Variants in ATP8B4 observed in about 807,000 individuals in gnomAD.
ATP8B4 encodes the protein probable phospholipid-transporting ATPase IM.
A neutral mutation model predicts 145.6 loss-of-function variants in ATP8B4; 133 were observed. That is an observed-to-expected ratio of 0.91 (90% confidence interval 0.79 to 1.05). The LOEUF (loss-of-function observed/expected upper bound fraction) is 1.05. ATP8B4 is among the 50% of genes least tolerant of loss of function. The pLI is 0.00. For missense variants in ATP8B4, 1,458 were observed against 1,425.2 expected (o/e 1.02, Z -0.37); for synonymous variants, 507 against 492.9 (o/e 1.03, Z -0.38).
intron 2 of ATP8B4, among the ~76,000 whole-genome samples, chr15:50,104,866 T>TACACAC (rs142425113): frequency 0.032 from 3,739 of 116,346 alleles, 155 homozygotes; most frequent in African/African-American, 0.13. Context: ...AAATGTTGCA[T>TACACAC]ACACACACAC....
chr15:49,910,136 A>G (rs1421642880), intron 20 of ATP8B4, among the ~76,000 whole-genome samples: 2 of 152,190 alleles, frequency 1.3e-5, no homozygotes, highest in Non-Finnish European at 2.9e-5. Context: ...GAAATTTACC[A>G]AAGAGGTAGA....
intron 2 of ATP8B4, among the ~76,000 whole-genome samples, chr15:50,080,999 G>C (rs1375352765): frequency 1.3e-5 from 2 of 151,988 alleles, no homozygotes; most frequent in African/African-American, 4.8e-5. Flanking sequence ...TCTAGTCCCA[G>C]CTACTATGGA....
intron 3 of ATP8B4, among the ~76,000 whole-genome samples, chr15:50,071,386 G>GT (rs2053725074): frequency 6.6e-6 from 1 of 152,036 alleles, no homozygotes; most frequent in Admixed American, 6.5e-5. Flanking sequence ...TGAAAAGAGC[G>GT]TATCACTTTA....
chr15:49,996,250 G>A (rs953308324), intron 9 of ATP8B4, among the ~76,000 whole-genome samples: 3 of 152,066 alleles, frequency 2.0e-5, no homozygotes, highest in African/African-American at 7.2e-5. Flanking sequence ...TGAAATACAT[G>A]AGGCAGGATG....
At chr15:49,939,185 C>CA (rs138763269) in intron 14 of ATP8B4, among the ~76,000 whole-genome samples, 20,552 of 151,268 alleles carry the variant, frequency 0.14, 2,085 homozygotes, top group African/African-American at 0.28. Context: ...CGCATACCTA[C>CA]AAAAAAAAGA....
intron 14 of ATP8B4, among the ~76,000 whole-genome samples, chr15:49,936,724 T>A (rs2041763534): frequency 7.4e-6 from 1 of 135,260 alleles, no homozygotes; most frequent in Admixed American, 7.1e-5. Flanking sequence ...CTCTTCATTA[T>A]TTTTTGGTTG....
At chr15:49,928,030 T>C (rs530460949) in intron 16 of ATP8B4, among the ~76,000 whole-genome samples, 1 of 152,270 alleles carries the variant, frequency 6.6e-6, no homozygotes, top group South Asian at 2.1e-4. Flanking sequence ...GAGTAGGATA[T>C]TCATAATTTA....
In ATP8B4 at chr15:50,006,509, A is replaced by G. The variant is rs1047248942; in HGVS notation, c.436-4286T>C. 1.1e-4 allele frequency among the ~76,000 whole-genome samples: 17 copies of G among 151,278 alleles called. No homozygotes were observed. The East Asian group carries it at 1.5e-3, about 14-fold the overall frequency. On this transcript the variant is annotated intron_variant, in intron 7 of 27. Transcript: ENST00000284509. ...ACCACCAAAAAAAAAAAAAAAAAAA[A>G]AGGCCTCTCTGGAAGTGTGTCCAAG...
At chr15:50,072,919 G>C (rs145643170) in intron 3 of ATP8B4, among the ~76,000 whole-genome samples, 1 of 81,004 alleles carries the variant, frequency 1.2e-5, no homozygotes, top group Non-Finnish European at 2.4e-5. Context: ...CACTGTGCCC[G>C]GCCTCTCTCT....
intron 8 of ATP8B4, among the ~76,000 whole-genome samples, chr15:49,999,937 C>G (rs1248597266): frequency 6.6e-6 from 1 of 152,054 alleles, no homozygotes; most frequent in Non-Finnish European, 1.5e-5. Context: ...ATTTTATAAA[C>G]AGAATTATAC....
At chr15:49,884,797 C>G (rs558192487) in intron 23 of ATP8B4, among the ~76,000 whole-genome samples, 4 of 152,008 alleles carry the variant, frequency 2.6e-5, no homozygotes, top group Non-Finnish European at 2.9e-5. Context: ...GGCAGGCAAG[C>G]GAGCCTGAGC....
At chr15:50,165,433 GTTTC>G (rs1202986268) in intron 1 of ATP8B4, among the ~76,000 whole-genome samples, 1 of 152,168 alleles carries the variant, frequency 6.6e-6, no homozygotes, top group African/African-American at 2.4e-5. Context: ...TTATGAACAT[GTTTC>G]TTTTGTGTGG....
At chr15:50,013,390 T>G (rs2048859765) in intron 6 of ATP8B4, among the ~76,000 whole-genome samples, 1 of 152,142 alleles carries the variant, frequency 6.6e-6, no homozygotes, top group Non-Finnish European at 1.5e-5. Flanking sequence ...AACTTTGCTT[T>G]TGCCATTGTC....
intron 20 of ATP8B4, among the ~76,000 whole-genome samples, chr15:49,913,682 A>T (rs1369417461): frequency 6.6e-6 from 1 of 152,242 alleles, no homozygotes; most frequent in Non-Finnish European, 1.5e-5. Context: ...GTTTCAGGAT[A>T]CAAAATCAAG....
chr15:49,939,314 T>C (rs1456366621), intron 14 of ATP8B4, among the ~76,000 whole-genome samples: 1 of 151,872 alleles, frequency 6.6e-6, no homozygotes, highest in African/African-American at 2.4e-5. Flanking sequence ...AAACCAAAAG[T>C]TGGTTTTTTT....
At chr15:49,861,984 G>T (rs1471954298) in intron 27 of ATP8B4, among the ~76,000 whole-genome samples, 2 of 152,116 alleles carry the variant, frequency 1.3e-5, no homozygotes, top group African/African-American at 4.8e-5. Context: ...TTAAAAGTCA[G>T]CTTTTTAAAA....
At chr15:49,910,452 C>G (rs886751877) in intron 20 of ATP8B4, among the ~76,000 whole-genome samples, 12 of 152,106 alleles carry the variant, frequency 7.9e-5, no homozygotes, top group Non-Finnish European at 1.8e-4. Context: ...TAAAATCTTC[C>G]CAACTCTAGC....
intron 6 of ATP8B4, among the ~76,000 whole-genome samples, chr15:50,024,840 C>T (rs921953567): frequency 2.0e-5 from 3 of 152,172 alleles, no homozygotes; most frequent in South Asian, 4.1e-4. Flanking sequence ...CTGTCCCATA[C>T]ATGTTAATTT....
chr15:50,073,002 A>G (rs1447703015), intron 3 of ATP8B4, among the ~76,000 whole-genome samples: 1 of 54,994 alleles, frequency 1.8e-5, no homozygotes, highest in Non-Finnish European at 3.1e-5. Context: ...ATATATATAT[A>G]TATATATATA....
Sources: gnomAD v4.1 joint callset for allele counts (sites outside exome capture counted in the v4.1 genomes callset) on GRCh38, gnomAD v4.1.1 for gene constraint, MANE v1.5 for transcripts, NCBI Gene and HGNC (gene_info 2026-07-23, HGNC 2026-07-21) for gene names.